Variants in ARIH1 observed in about 807,000 individuals in gnomAD.
ARIH1 encodes ariadne RBR E3 ubiquitin protein ligase 1, also known as E3 ubiquitin-protein ligase ARIH1.
A neutral mutation model predicts 85.0 loss-of-function variants in ARIH1; 8 were observed. That is an observed-to-expected ratio of 0.09 (90% CI 0.06 to 0.17). ARIH1 has a LOEUF of 0.17. Ranked by LOEUF, ARIH1 falls within the 10% of genes least tolerant of loss-of-function variation. The probability of loss-of-function intolerance (pLI) is 1.00; values close to 1 mark genes in which losing one functional copy is unlikely to be tolerated. For missense variants in ARIH1, 311 were observed against 718.1 expected, an observed-to-expected ratio of 0.43 and a Z score of 6.48; for synonymous variants, 238 against 253.6, an observed-to-expected ratio of 0.94 and a Z score of 0.59.
chr15:72,548,645 T>G (rs148772176), intron 3 of ARIH1, among the ~76,000 whole-genome samples: 1 of 152,322 alleles, frequency 6.6e-6, no homozygotes, highest in Admixed American at 6.5e-5. Context: ...TCATAATTTT[T>G]AGACTCATAT....
chr15:72,501,582 T>G (rs542749039), intron 1 of ARIH1, among the ~76,000 whole-genome samples: 1 of 152,300 alleles, frequency 6.6e-6, no homozygotes, highest in East Asian at 1.9e-4. Flanking sequence ...GGAGTTACAT[T>G]GAAGTCACGC....
At chr15:72,540,508 C>A (rs963181663) in intron 2 of ARIH1, among the ~76,000 whole-genome samples, 3 of 151,916 alleles carry the variant, frequency 2.0e-5, no homozygotes. Context: ...AAATACAGAT[C>A]AGAACAAATA....
In ARIH1 at chr15:72,588,860, A is replaced by AAT. The variant is rs2064328988; in HGVS notation, c.*5570_*5571dup. ...GGGGAGAAATCTATCTAGGGAAAAT[A>AAT]ATACAGAGTCTGAGCAAAGGAAGTT... On this transcript the variant is annotated 3_prime_UTR_variant, in exon 14 of 14. Coordinates refer to ENST00000379887, the MANE Select transcript of ARIH1 (RefSeq NM_005744.5). The AAT allele has an allele frequency of 6.6e-6, 1 of 152,236 alleles. No individual in the cohort carries two copies. The highest frequency in any genetic ancestry group is 1.5e-5 in the Non-Finnish European group (1 of 68,050). The allele number at this position is 152,236 out of a possible 1,614,324, so 9.4% of individuals were successfully genotyped here.
At chr15:72,565,841 C>A (rs1366926592) in intron 7 of ARIH1, among the ~76,000 whole-genome samples, 4 of 152,188 alleles carry the variant, frequency 2.6e-5, no homozygotes, top group Admixed American at 6.5e-5. Flanking sequence ...TTATCTTAAC[C>A]TGATTTAAAT....
chr15:72,491,881 T>A (rs1235806738), intron 1 of ARIH1, among the ~76,000 whole-genome samples: 1 of 152,222 alleles, frequency 6.6e-6, no homozygotes, highest in South Asian at 2.1e-4. Context: ...GTGTGAATGT[T>A]ATTGTTGTGT....
chr15:72,475,880 C>T (rs961353490), intron 1 of ARIH1, among the ~76,000 whole-genome samples: 9 of 152,070 alleles, frequency 5.9e-5, no homozygotes, highest in African/African-American at 1.7e-4. Flanking sequence ...ATAACCACAT[C>T]TCATTTAACC....
chr15:72,491,280 T>G (rs1267537763), intron 1 of ARIH1, among the ~76,000 whole-genome samples: 1 of 152,144 alleles, frequency 6.6e-6, no homozygotes, highest in African/African-American at 2.4e-5. Context: ...TGTAAGGTTT[T>G]TTTCCTATGC....
chr15:72,552,044 G>T (rs958094025), intron 3 of ARIH1, among the ~76,000 whole-genome samples: 1 of 152,146 alleles, frequency 6.6e-6, no homozygotes, highest in African/African-American at 2.4e-5. Flanking sequence ...TCTCTTTGCA[G>T]GGGAGCCTGA....
chr15:72,490,230 A>G (rs2063853612), intron 1 of ARIH1, among the ~76,000 whole-genome samples: 1 of 150,298 alleles, frequency 6.7e-6, no homozygotes, highest in African/African-American at 2.4e-5. Flanking sequence ...GAATGCTGAA[A>G]TGTCTCCTTC....
intron 4 of ARIH1, 75 bp from the exon 5 acceptor site, chr15:72,555,777 C>G (rs2064172215): frequency 1.6e-6 from 2 of 1,280,472 alleles, no homozygotes; most frequent in Non-Finnish European, 1.1e-6. Context: ...CAGAACCTAG[C>G]AAAGTGCCTG....
In ARIH1 at chr15:72,600,147, A is replaced by G. The variant is rs145837314; in HGVS notation, c.*16855A>G. On this transcript the variant is annotated 3_prime_UTR_variant, in exon 14 of 14. Coordinates refer to ENST00000379887, the MANE Select transcript of ARIH1 (RefSeq NM_005744.5). The stretch of plus-strand genomic sequence containing the variant: ...AAAACTCAACTGTAGCTCCTTGTTT[A>G]TACATATATTGGGGGTGTTGAAAAG... 1 of 152,324 alleles carries G rather than the reference A, an allele frequency of 6.6e-6. No homozygotes were observed. Among genetic ancestry groups the G allele is most frequent in the Admixed American group, 6.5e-5 (1 of 15,300 alleles). The allele number at this position is 152,324 out of a possible 1,614,324, so 9.4% of individuals were successfully genotyped here.
chr15:72,564,064 T>A (rs2064208654), intron 7 of ARIH1, among the ~76,000 whole-genome samples: 1 of 152,210 alleles, frequency 6.6e-6, no homozygotes, highest in South Asian at 2.1e-4. Context: ...TTATAGGTGT[T>A]CTAGTTTTTT....
At chr15:72,568,619 T>C (rs955697502) in intron 9 of ARIH1, among the ~76,000 whole-genome samples, 10 of 152,176 alleles carry the variant, frequency 6.6e-5, no homozygotes, top group Admixed American at 5.2e-4. Flanking sequence ...TTTAAGATTA[T>C]TAGCTCCCTA....
chr15:72,489,630 C>G (rs978868837), intron 1 of ARIH1, among the ~76,000 whole-genome samples: 1 of 152,200 alleles, frequency 6.6e-6, no homozygotes, highest in African/African-American at 2.4e-5. Context: ...CTTCTGCATA[C>G]TGAAGTATGG....
At chr15:72,504,602 C>T (rs894779182) in intron 1 of ARIH1, among the ~76,000 whole-genome samples, 7 of 152,148 alleles carry the variant, frequency 4.6e-5, no homozygotes, top group African/African-American at 1.7e-4. Flanking sequence ...TCTCGTTCGT[C>T]TTTATCTGCA....
intron 1 of ARIH1, among the ~76,000 whole-genome samples, chr15:72,490,619 C>T (rs910680558): frequency 6.6e-6 from 1 of 151,986 alleles, no homozygotes; most frequent in African/African-American, 2.4e-5. Context: ...AGTTGGGGAC[C>T]ACTGTACTGT....
At chr15:72,567,994 C>T (rs2064228341) in intron 9 of ARIH1, among the ~76,000 whole-genome samples, 1 of 152,154 alleles carries the variant, frequency 6.6e-6, no homozygotes, top group Non-Finnish European at 1.5e-5. Flanking sequence ...AAGGCCGACG[C>T]AGGTTGTCTG....
At chr15:72,517,944 A>C (rs2063982531) in intron 1 of ARIH1, 123 bp from the exon 2 acceptor site, 1 of 637,798 alleles carries the variant, frequency 1.6e-6, no homozygotes, top group African/African-American at 1.8e-5. Context: ...GGAATAAAGA[A>C]ATAACTCTAG....
intron 1 of ARIH1, among the ~76,000 whole-genome samples, chr15:72,487,210 GTAACATTTT>G (rs1377618490): frequency 3.3e-5 from 5 of 152,098 alleles, no homozygotes; most frequent in Admixed American, 3.3e-4. Flanking sequence ...GAAGTATTAG[GTAACATTTT>G]CTTGTTACTG....
Sources: allele counts gnomAD v4.1 joint callset (sites outside exome capture counted in the v4.1 genomes callset), GRCh38; gene constraint gnomAD v4.1.1; transcripts MANE v1.5; gene names NCBI Gene and HGNC (gene_info 2026-07-23, HGNC 2026-07-21).